Variants in INTS1 observed in about 807,000 individuals in gnomAD.
INTS1 encodes the protein integrator complex subunit 1.
INTS1 carries 137 observed loss-of-function variants against 241.6 expected under a neutral mutation model. The ratio of observed to expected loss-of-function variants is 0.57; its 90% CI spans 0.49 to 0.65. The LOEUF (loss-of-function observed/expected upper bound fraction) is 0.65. INTS1 is among the 30% of genes least tolerant of loss of function. INTS1 has a pLI of 0.00. For synonymous variants in INTS1, 1,692 were observed against 1,337.8 expected (o/e 1.26, Z -5.78); for missense variants, 3,073 against 3,032.2 (o/e 1.01, Z -0.32).
In INTS1 at chr7:1,493,196, C is replaced by CGGGGTG; in HGVS notation, c.2069-96_2069-91dup. On this transcript the variant is annotated intron_variant, in intron 15 of 47. Transcript: ENST00000404767. The surrounding 1 kb of genome is among the most constrained non-coding windows in gnomAD (Gnocchi z 5.3). Reference sequence around the variant, plus strand: ...GGAACCGGCCCTGCTCGGGCCGCGTCGGGGTGGGGTGGGGGATGCCGCAGG... The same window carrying CGGGGTG: ...GGAACCGGCCCTGCTCGGGCCGCGTCGGGGTGGGGGTGGGGTGGGGGATGCCGCAGG... The CGGGGTG allele has an allele frequency of 1.0e-5, 5 of 477,078 alleles. No homozygotes were observed. The highest frequency in any genetic ancestry group is 4.0e-6 in the Non-Finnish European group (1 of 247,086). The allele number at this position is 477,078 out of a possible 1,614,324, so 29.6% of individuals were successfully genotyped here.
chr7:1,477,533 A>G lies in INTS1; in HGVS notation c.4938+17T>C. The stretch of plus-strand genomic sequence containing the variant: ...ACCCTGGGGTGGGTCCCCGTGCTGA[A>G]GCTGGGTGCCACCCACCTTCCTCCG... On this transcript the variant is annotated intron_variant, in intron 35 of 47. Transcript: ENST00000404767. The G allele has an allele frequency of 6.7e-7, 1 of 1,496,294 alleles. No homozygotes were observed. The highest frequency in any genetic ancestry group is 2.4e-5 in the Admixed American group (1 of 42,170). 92.7% of individuals were successfully genotyped at this position (1,496,294 alleles called of 1,614,324 possible).
intron 1 of INTS1, 72 bp from the exon 2 acceptor site, chr7:1,504,073 G>T: frequency 1.2e-6 from 1 of 819,138 alleles, no homozygotes; most frequent in Non-Finnish European, 1.9e-6. Flanking sequence ...CTCCCTTGCC[G>T]CACGGGGCTT....
At chr7:1,477,961 TG>T (rs1781802306) in intron 33 of INTS1, 25 bp from the exon 34 acceptor site, 9 of 1,608,198 alleles carry the variant, frequency 5.6e-6, no homozygotes, top group Non-Finnish European at 7.7e-6. Context: ...AAGAGACATG[TG>T]GGTCACTCCC....
Position 1,470,520 on chromosome 7 carries a change from G to T in INTS1, c.*57C>A, listed in dbSNP as rs1020020396. On this transcript the variant is annotated 3_prime_UTR_variant, in exon 48 of 48. Coordinates refer to ENST00000404767, the MANE Select transcript of INTS1 (RefSeq NM_001080453.3). ...GCCCACGCTTCCTGGGCTTTGCCTC[G>T]AGGATCCCCGGGGACGGGACGGGCC... The T allele has an allele frequency of 7.4e-7, 1 of 1,351,910 alleles. No homozygotes were observed. Among genetic ancestry groups the T allele is most frequent in the Non-Finnish European group, 1.0e-6 (1 of 996,876 alleles). The allele number at this position is 1,351,910 out of a possible 1,614,324, so 83.7% of individuals were successfully genotyped here.
At chr7:1,491,813 G>A (rs867585461) in intron 16 of INTS1, among the ~76,000 whole-genome samples, 27 of 152,240 alleles carry the variant, frequency 1.8e-4, no homozygotes, top group Middle Eastern at 3.2e-3. Context: ...CGGGAGGACC[G>A]CTTGAGCCAG....
In INTS1 at chr7:1,494,757, G is replaced by A. The variant is rs574195048; in HGVS notation, c.1910+59C>T. On this transcript the variant is annotated intron_variant, in intron 14 of 47. Transcript: ENST00000404767. Reference sequence around the variant, plus strand: ...TGGCCCTTCCTGCCGCAGCCGGCCCGGCACCCCGCAGCCCCGCCCAGCCCG... The same window carrying A: ...TGGCCCTTCCTGCCGCAGCCGGCCCAGCACCCCGCAGCCCCGCCCAGCCCG... The A allele has an allele frequency of 2.7e-4, 405 of 1,520,450 alleles. 8 individuals are homozygous for A. The South Asian group carries it at 3.6e-3, about 14-fold the overall frequency. 94.2% of individuals were successfully genotyped at this position (1,520,450 alleles called of 1,614,324 possible).
Position 1,494,905 on chromosome 7 carries a change from G to A in INTS1, c.1833-12C>T. 3 of 1,554,906 alleles carry A rather than the reference G, an allele frequency of 1.9e-6. No homozygotes were observed. The highest frequency in any genetic ancestry group is 1.2e-5 in the South Asian group (1 of 84,286). On this transcript the variant is annotated splice_polypyrimidine_tract_variant and intron_variant, in intron 13 of 47. Coordinates refer to ENST00000404767, the MANE Select transcript of INTS1 (RefSeq NM_001080453.3). The stretch of plus-strand genomic sequence containing the variant: ...GCACCTTGTGCAGGCTGGGCAGGCA[G>A]AGAAGAGCCCTCAGTCATGATGTGG...
In INTS1 at chr7:1,482,458, C is replaced by T. The variant is rs773584998; in HGVS notation, c.3703+88G>A. 5.8e-5 allele frequency: 79 copies of T among 1,364,532 alleles called. 1 individual carries two copies. Among genetic ancestry groups the T allele is most frequent in the African/African-American group, 3.5e-4 (24 of 68,638 alleles). 84.5% of individuals were successfully genotyped at this position (1,364,532 alleles called of 1,614,324 possible). A position where few individuals can be genotyped will look rare whatever the true frequency, so the allele number is the denominator to read the frequency against. On this transcript the variant is annotated intron_variant, in intron 27 of 47. Coordinates refer to ENST00000404767, the MANE Select transcript of INTS1 (RefSeq NM_001080453.3). Reference sequence around the variant, plus strand: ...GGCCAGTCTTCTCCTCTGCCACAGCCGGAGGCTGCCCAGGCCCACAAGGAG... The same window carrying T: ...GGCCAGTCTTCTCCTCTGCCACAGCTGGAGGCTGCCCAGGCCCACAAGGAG...
chr7:1,491,516 A>G (rs4339536), intron 16 of INTS1, among the ~76,000 whole-genome samples: 81,897 of 152,144 alleles, frequency 0.54, 23,852 homozygotes, highest in African/African-American at 0.77. Context: ...AAATCTCCAC[A>G]ACCCTGGACT....
At position 1,477,916 on chromosome 7, in the gene INTS1, C is replaced by G; in HGVS notation, c.4651G>C (p.Val1551Leu). 6.2e-7 allele frequency: 1 copy of G among 1,612,606 alleles called. No individual in the cohort carries two copies. Among genetic ancestry groups the G allele is most frequent in the African/African-American group, 1.3e-5 (1 of 75,066 alleles). Residue 1551 changes from valine (V) to leucine (L), a missense_variant, in exon 34 of 48, where the codon GTG becomes CTG. Physicochemically the swap from Val to Leu is conservative, Grantham distance 32 (BLOSUM62 1). Coordinates refer to ENST00000404767, the MANE Select transcript of INTS1 (RefSeq NM_001080453.3). ...AGCTCCTCCAGGTGGGGGGACCTCA[C>G]CTCGATCAGCCCCTGGAGGACTGCG... ...ISKVLQGLIEVRSPHLEELLT... is the reference protein window; with the variant it reads ...ISKVLQGLIELRSPHLEELLT...
chr7:1,500,934 C>T, intron 3 of INTS1: 1 of 152,490 alleles, frequency 6.6e-6, no homozygotes, highest in African/African-American at 2.4e-5. Flanking sequence ...CGGAGGTTTT[C>T]TCATTTTCAT....
At position 1,497,129 on chromosome 7, in the gene INTS1, G is replaced by A. The variant is rs1782902534; in HGVS notation, c.1602+9C>T. 6.3e-7 allele frequency: 1 copy of A among 1,596,968 alleles called. No individual in the cohort carries two copies. Among genetic ancestry groups the A allele is most frequent in the Admixed American group, 1.7e-5 (1 of 58,084 alleles). ...GAGGGAAAGGCGCCCCAGCGGCGAG[G>A]GCTGGCACCTTGAACTCCATCTCCA... is the stretch of plus-strand genomic sequence containing the variant. On this transcript the variant is annotated intron_variant, in intron 11 of 47. Transcript: ENST00000404767. This position sits in a 1 kb window ranked among gnomAD's most constrained non-coding sequence, Gnocchi z 5.3.
Position 1,470,655 on chromosome 7 carries a change from C to A in INTS1, c.6495G>T (p.Val2165=). 1 of 1,584,580 alleles carries A rather than the reference C, an allele frequency of 6.3e-7. No homozygotes were observed. The highest frequency in any genetic ancestry group is 2.3e-5 in the East Asian group (1 of 43,544). The change falls in exon 48 of 48, where the codon GTG becomes GTT. Residue 2165 remains valine (V), a synonymous_variant. Coordinates refer to ENST00000404767, the MANE Select transcript of INTS1 (RefSeq NM_001080453.3). ...TGGGGTCCATCTGGCCGTACATGCC[C>A]ACCAGGAAGGCCCGGTGGAGCAGCA... The part of the protein sequence containing the change: ...AAVLLHRAFL[V]GMYGQMDPSA...
Position 1,498,425 on chromosome 7 carries a change from T to C in INTS1, c.1412A>G (p.Glu471Gly), listed in dbSNP as rs1237818579. The part of the protein sequence containing the change: ...VLYTALQHSS[E>G]LAPKFLAMVF... ...CCCTGGGCCTACCTTGGGCGCCAGCTCTGAGCTGTGCTGCAGTGCGGTATA... is the reference window on the plus strand; with the variant it reads ...CCCTGGGCCTACCTTGGGCGCCAGCCCTGAGCTGTGCTGCAGTGCGGTATA... Residue 471 changes from glutamate (E) to glycine (G), a missense_variant, in exon 10 of 48, where the codon GAG becomes GGG. Coordinates refer to ENST00000404767, the MANE Select transcript of INTS1 (RefSeq NM_001080453.3). 6.2e-7 allele frequency: 1 copy of C among 1,613,786 alleles called. No homozygotes were observed. The highest frequency in any genetic ancestry group is 1.7e-5 in the Admixed American group (1 of 60,000).
intron 31 of INTS1, 97 bp downstream of exon 31, chr7:1,479,333 G>C: frequency 4.4e-6 from 6 of 1,365,796 alleles, no homozygotes; most frequent in Non-Finnish European, 4.9e-6. Context: ...TGAGACCCAA[G>C]ACCCACAGAG....
At chr7:1,480,575 T>G in intron 29 of INTS1, 134 bp from the exon 30 acceptor site, 1 of 1,003,652 alleles carries the variant, frequency 1.0e-6, no homozygotes, top group East Asian at 2.6e-5. Flanking sequence ...GGGCTCTGTG[T>G]TCCCCAAGGA....
rs111768688 is a variant in INTS1, at chr7:1,489,574, G to T, written c.2257+17C>A. On this transcript the variant is annotated intron_variant, in intron 17 of 47. Coordinates refer to ENST00000404767, the MANE Select transcript of INTS1 (RefSeq NM_001080453.3). ...GCAGGGCCACGTGTGCGCATGGGGC[G>T]GCCAGCAGAGGCTCACCGATGTTCT... 6.4e-7 allele frequency: 1 copy of T among 1,560,310 alleles called. No individual in the cohort carries two copies. Among genetic ancestry groups the T allele is most frequent in the South Asian group, 1.2e-5 (1 of 84,388 alleles).
chr7:1,474,325 C>G lies in INTS1; in HGVS notation c.5672G>C (p.Arg1891Pro). 6.2e-7 allele frequency: 1 copy of G among 1,605,892 alleles called. No individual in the cohort carries two copies. The highest frequency in any genetic ancestry group is 8.5e-7 in the Non-Finnish European group (1 of 1,177,894). Residue 1891 changes from arginine to proline, a missense_variant, in exon 41 of 48, where the codon CGC (arginine) becomes CCC (proline). Physicochemically the swap from Arg to Pro is moderately radical, Grantham distance 103. Transcript: ENST00000404767. ...GAACTCCTGGAAGTTGAGGTGGGTGCGGCCGTGCAGGAGCGCCGCGATCAT... is the reference window on the plus strand; with the variant it reads ...GAACTCCTGGAAGTTGAGGTGGGTGGGGCCGTGCAGGAGCGCCGCGATCAT... The part of the protein sequence containing the change: ...LPMIAALLHG[R>P]THLNFQEFRQ...
intron 8 of INTS1, 29 bp downstream of exon 8, chr7:1,498,946 C>CAGGGGG: frequency 8.4e-7 from 1 of 1,194,120 alleles, no homozygotes; most frequent in Non-Finnish European, 1.2e-6. Flanking sequence ...ACCCCCTGCC[C>CAGGGGG]CGCCCACCCC....
Sources: gnomAD v4.1 joint callset for allele counts (sites outside exome capture counted in the v4.1 genomes callset) on GRCh38, gnomAD v4.1.1 for gene constraint, Gnocchi (gnomAD v3.1) non-coding constraint, MANE v1.5 for transcripts, NCBI Gene and HGNC (gene_info 2026-07-23, HGNC 2026-07-21) for gene names.